The following KCNH1 variants were observed in gnomAD, a reference collection of about 807,000 sequenced individuals.
KCNH1 encodes the protein voltage-gated delayed rectifier potassium channel KCNH1.
KCNH1 carries 27 observed loss-of-function variants against 69.2 expected under a neutral mutation model. That is an observed-to-expected ratio of 0.39 (90% CI 0.29 to 0.54). KCNH1 has a LOEUF of 0.54. Ranked by LOEUF, KCNH1 falls within the 20% of genes least tolerant of loss-of-function variation. KCNH1 has a pLI of 0.68. For synonymous variants in KCNH1, 456 were observed against 487.7 expected (o/e 0.93, Z 0.86); for missense variants, 798 against 1,261.6 (o/e 0.63, Z 5.57).
chr1:211,097,566 T>G (rs1037717850), intron 3 of KCNH1, among the ~76,000 whole-genome samples: 1 of 152,252 alleles, frequency 6.6e-6, no homozygotes, highest in African/African-American at 2.4e-5. Context: ...AAATAAAAGA[T>G]AACCCATTCA....
At chr1:210,716,527 A>ATGAT (rs1230552701) in intron 10 of KCNH1, among the ~76,000 whole-genome samples, 1 of 152,104 alleles carries the variant, frequency 6.6e-6, no homozygotes, top group Non-Finnish European at 1.5e-5. Context: ...ACTTTGAGGA[A>ATGAT]TGATTTACTA....
intron 10 of KCNH1, among the ~76,000 whole-genome samples, chr1:210,698,286 CA>C (rs1238796696): frequency 1.3e-5 from 2 of 152,146 alleles, no homozygotes; most frequent in African/African-American, 4.8e-5. Context: ...CTGGCCCCAC[CA>C]AGATCTGTTC....
rs144040323 is a variant in KCNH1 at position 210,881,249 on chromosome 1, C to T, written c.1462+38391G>A. 7.1e-3 allele frequency among the ~76,000 whole-genome samples: 1,081 copies of T among 152,226 alleles called. 14 individuals are homozygous for T. Among genetic ancestry groups the T allele is most frequent in the African/African-American group, 0.024 (1,008 of 41,546 alleles). On this transcript the variant is annotated intron_variant, in intron 7 of 10. Transcript: ENST00000271751. ...AGCCCCTGAGCTCAAGTAATCTGCCCACCTTGGCTTCCCAAAGTGCTGGGA... is the reference window on the plus strand; with the variant it reads ...AGCCCCTGAGCTCAAGTAATCTGCCTACCTTGGCTTCCCAAAGTGCTGGGA...
intron 3 of KCNH1, among the ~76,000 whole-genome samples, chr1:211,103,091 G>A (rs1402922108): frequency 6.6e-6 from 1 of 152,110 alleles, no homozygotes; most frequent in Non-Finnish European, 1.5e-5. Context: ...GCTTAATTAG[G>A]CACCCACTGT....
intron 4 of KCNH1, among the ~76,000 whole-genome samples, chr1:211,087,473 A>G (rs1439144251): frequency 6.6e-6 from 1 of 152,090 alleles, no homozygotes; most frequent in African/African-American, 2.4e-5. Context: ...ACAGAAACAT[A>G]TCCCACAGCC....
At chr1:210,954,431 T>G (rs1207275898) in intron 6 of KCNH1, among the ~76,000 whole-genome samples, 2 of 152,206 alleles carry the variant, frequency 1.3e-5, no homozygotes, top group Non-Finnish European at 2.9e-5. Context: ...GTAATGGGAT[T>G]GCTGGGTCAA....
intron 5 of KCNH1, among the ~76,000 whole-genome samples, chr1:211,079,283 T>G (rs1441537807): frequency 6.6e-6 from 1 of 152,194 alleles, no homozygotes; most frequent in East Asian, 1.9e-4. Flanking sequence ...GGGGAATCTC[T>G]GAATAGACCA....
At chr1:210,993,474 A>G (rs1383415330) in intron 6 of KCNH1, among the ~76,000 whole-genome samples, 1 of 152,212 alleles carries the variant, frequency 6.6e-6, no homozygotes, top group African/African-American at 2.4e-5. Context: ...TAGTTCTTAC[A>G]AAAGCCTCCA....
intron 5 of KCNH1, among the ~76,000 whole-genome samples, chr1:211,055,830 C>A (rs1690294234): frequency 6.6e-6 from 1 of 152,176 alleles, no homozygotes; most frequent in Middle Eastern, 3.2e-3. Context: ...GAACCTGATG[C>A]CTTGAACAAA....
intron 6 of KCNH1, among the ~76,000 whole-genome samples, chr1:210,999,673 C>G (rs944978851): frequency 1.3e-5 from 2 of 152,182 alleles, no homozygotes; most frequent in African/African-American, 2.4e-5. Flanking sequence ...ATGAGGCCAG[C>G]ATCATCCTCA....
intron 10 of KCNH1, among the ~76,000 whole-genome samples, chr1:210,771,462 T>G (rs1683752743): frequency 6.6e-6 from 1 of 152,162 alleles, no homozygotes; most frequent in Non-Finnish European, 1.5e-5. Flanking sequence ...GATCCCTCCT[T>G]TGCTGCAAGA....
chr1:211,072,023 C>A (rs112662763), intron 5 of KCNH1, among the ~76,000 whole-genome samples: 12,273 of 152,236 alleles, frequency 0.081, 741 homozygotes, highest in South Asian at 0.17. Flanking sequence ...CACCTGTAAT[C>A]CCAGCACTTT....
intron 7 of KCNH1, among the ~76,000 whole-genome samples, chr1:210,842,936 G>T (rs1311035738): frequency 6.6e-6 from 1 of 152,186 alleles, no homozygotes; most frequent in Non-Finnish European, 1.5e-5. Flanking sequence ...AGAAGGCTTT[G>T]TTTCCCATCT....
intron 6 of KCNH1, among the ~76,000 whole-genome samples, chr1:210,997,112 C>T (rs1026703380): frequency 2.0e-5 from 3 of 152,216 alleles, no homozygotes; most frequent in South Asian, 4.1e-4. Context: ...TGCCTCTCCT[C>T]CTCGAAAGAA....
intron 6 of KCNH1, among the ~76,000 whole-genome samples, chr1:210,970,261 C>T (rs982756950): frequency 6.6e-6 from 1 of 150,970 alleles, no homozygotes; most frequent in Non-Finnish European, 1.5e-5. Flanking sequence ...ATTCTCCCTC[C>T]CCTTGTCCCC....
At chr1:211,013,946 A>G (rs192404297) in intron 6 of KCNH1, among the ~76,000 whole-genome samples, 19 of 152,330 alleles carry the variant, frequency 1.2e-4, no homozygotes, top group Admixed American at 7.2e-4. Context: ...TCATGCTGTC[A>G]TCTTTTCATT....
chr1:211,069,209 G>A (rs74156882), intron 5 of KCNH1, among the ~76,000 whole-genome samples: 1,783 of 152,158 alleles, frequency 0.012, 37 homozygotes, highest in African/African-American at 0.041. Context: ...AAAAGAACTC[G>A]TGAAATTCAT....
At chr1:210,758,611 C>T (rs2102347487) in intron 10 of KCNH1, among the ~76,000 whole-genome samples, 1 of 152,306 alleles carries the variant, frequency 6.6e-6, no homozygotes, top group East Asian at 1.9e-4. Context: ...AAAGTCCCCA[C>T]TGAGTCAAAG....
chr1:210,853,953 A>AAACAAAAAAC (rs1553351796), intron 7 of KCNH1, among the ~76,000 whole-genome samples: 13 of 141,202 alleles, frequency 9.2e-5, no homozygotes, highest in Non-Finnish European at 2.0e-4. Flanking sequence ...AGCCAAAAAA[A>AAACAAAAAAC]AAAAAAAAAA....
Sources: gnomAD v4.1 joint callset for allele counts (sites outside exome capture counted in the v4.1 genomes callset) on GRCh38, gnomAD v4.1.1 for gene constraint, MANE v1.5 for transcripts, NCBI Gene and HGNC (gene_info 2026-07-23, HGNC 2026-07-21) for gene names.